Variants in FBXL17 observed in about 807,000 individuals in gnomAD.
FBXL17 encodes F-box and leucine rich repeat protein 17.
In FBXL17, 22 loss-of-function variants were observed where a neutral mutation model predicts 66.2. That is an observed-to-expected ratio of 0.33 (90% CI 0.24 to 0.47). The LOEUF (loss-of-function observed/expected upper bound fraction) is 0.47, where lower values mean the gene tolerates loss of function less well. Among genes scored for constraint, FBXL17 ranks in the 20% least tolerant of loss-of-function variants. The pLI, the probability that FBXL17 is intolerant of heterozygous loss-of-function variation, is 1.00. For missense variants in FBXL17, 878 were observed against 948.2 expected, an observed-to-expected ratio of 0.93 and a Z score of 0.97; for synonymous variants, 474 against 400.5, an observed-to-expected ratio of 1.18 and a Z score of -2.19.
At chr5:108,153,062 C>A (rs1751831817) in intron 6 of FBXL17, among the ~76,000 whole-genome samples, 1 of 152,156 alleles carries the variant, frequency 6.6e-6, no homozygotes, top group African/African-American at 2.4e-5. Context: ...CTCTCTCTCT[C>A]TTTCCTGCTG....
intron 5 of FBXL17, among the ~76,000 whole-genome samples, chr5:108,215,785 C>CA (rs1219968294): frequency 6.6e-6 from 1 of 152,088 alleles, no homozygotes; most frequent in Non-Finnish European, 1.5e-5. Flanking sequence ...AATTCAAGGT[C>CA]ATGAAGATTT....
At chr5:108,364,700 A>C (rs759074259) in intron 3 of FBXL17, 38 bp downstream of exon 3, 1 of 1,512,340 alleles carries the variant, frequency 6.6e-7, no homozygotes, top group Non-Finnish European at 9.0e-7. Flanking sequence ...ATTTTTAATT[A>C]ATTCAAGTAA....
chr5:108,310,944 C>G (rs186522677), intron 4 of FBXL17, among the ~76,000 whole-genome samples: 1 of 152,296 alleles, frequency 6.6e-6, no homozygotes, highest in African/African-American at 2.4e-5. Flanking sequence ...AGCATTCCCT[C>G]TGCCAAAATG....
chr5:107,880,750 T>C lies in FBXL17; in HGVS notation c.1965+287A>G, dbSNP rs1185231769. The stretch of plus-strand genomic sequence containing the variant: ...ATGTAATCTTTTACATTTTGGTCCA[T>C]GGACTTATGAATAGGATGCCAAACT... On this transcript the variant is annotated intron_variant, in intron 8 of 8. Transcript: ENST00000542267. 4 of 1,294,520 alleles carry C rather than the reference T, an allele frequency of 3.1e-6. No individual in the cohort carries two copies. The East Asian group carries it at 1.1e-4, about 37-fold the overall frequency. The allele number at this position is 1,294,520 out of a possible 1,614,324, so 80.2% of individuals were successfully genotyped here. A position where few individuals can be genotyped will look rare whatever the true frequency, so the allele number is the denominator to read the frequency against.
chr5:107,961,053 C>A (rs904121978), intron 7 of FBXL17, among the ~76,000 whole-genome samples: 1 of 151,974 alleles, frequency 6.6e-6, no homozygotes, highest in African/African-American at 2.4e-5. Flanking sequence ...AAAAGTGATA[C>A]GGAGAAGCAG....
At chr5:108,339,619 G>A (rs1209174986) in intron 4 of FBXL17, among the ~76,000 whole-genome samples, 2 of 150,256 alleles carry the variant, frequency 1.3e-5, no homozygotes, top group African/African-American at 4.9e-5. Context: ...TATGTATGTG[G>A]GGAAAAAAGC....
In FBXL17 at chr5:108,381,881, C is replaced by G; in HGVS notation, c.-190G>C. On this transcript the variant is annotated 5_prime_UTR_variant, in exon 1 of 9. Coordinates refer to ENST00000542267, the MANE Select transcript of FBXL17 (RefSeq NM_001163315.3). ...CGTCAGCTGCGGGCCGCCGGAGTGCCCGACGGGGGCTACATGCTTTGCCCA... is the reference window on the plus strand; with the variant it reads ...CGTCAGCTGCGGGCCGCCGGAGTGCGCGACGGGGGCTACATGCTTTGCCCA... 1 of 1,292,188 alleles carries G rather than the reference C, an allele frequency of 7.7e-7. No homozygotes were observed. The highest frequency in any genetic ancestry group is 2.3e-5 in the South Asian group (1 of 44,082). The allele number at this position is 1,292,188 out of a possible 1,614,324, so 80.0% of individuals were successfully genotyped here.
At chr5:107,880,639 C>T in intron 8 of FBXL17, 1 of 1,159,416 alleles carries the variant, frequency 8.6e-7, no homozygotes, top group Non-Finnish European at 1.1e-6. Context: ...ACCAATTTGG[C>T]ACTGTTCTTT....
At chr5:108,228,367 C>A (rs1755187109) in intron 4 of FBXL17, among the ~76,000 whole-genome samples, 1 of 152,112 alleles carries the variant, frequency 6.6e-6, no homozygotes, top group South Asian at 2.1e-4. Context: ...TACTGGGACC[C>A]TGGAGTCTCA....
At chr5:107,887,106 C>T (rs1309583774) in intron 7 of FBXL17, among the ~76,000 whole-genome samples, 1 of 152,074 alleles carries the variant, frequency 6.6e-6, no homozygotes, top group South Asian at 2.1e-4. Context: ...TTTTGATAAG[C>T]GTATTGTGGT....
At chr5:108,352,895 T>A (rs1321695728) in intron 3 of FBXL17, among the ~76,000 whole-genome samples, 4 of 152,056 alleles carry the variant, frequency 2.6e-5, no homozygotes, top group African/African-American at 7.2e-5. Context: ...AAGGGAGAAA[T>A]CCTGTGAAGT....
chr5:108,100,239 C>G (rs1749549035), intron 6 of FBXL17, among the ~76,000 whole-genome samples: 2 of 152,150 alleles, frequency 1.3e-5, no homozygotes, highest in African/African-American at 4.8e-5. Context: ...GTTTCTTTAA[C>G]AAGAAAACAT....
Position 108,144,644 on chromosome 5 carries a change from G to T in FBXL17, c.1745+41473C>A, listed in dbSNP as rs146723202. On this transcript the variant is annotated intron_variant, in intron 6 of 8. Coordinates refer to ENST00000542267, the MANE Select transcript of FBXL17 (RefSeq NM_001163315.3). ...CTGTACCTAGTAATTCTCTACTGTC[G>T]ATATTTTAAACTATTTCATAAACAT... Among the ~76,000 whole-genome samples, 411 of 152,134 alleles carry T rather than the reference G, an allele frequency of 2.7e-3. 2 individuals carry two copies. The highest frequency in any genetic ancestry group is 9.3e-3 in the African/African-American group (386 of 41,520).
At chr5:107,891,797 G>A (rs1749205532) in intron 7 of FBXL17, among the ~76,000 whole-genome samples, 1 of 152,082 alleles carries the variant, frequency 6.6e-6, no homozygotes, top group Non-Finnish European at 1.5e-5. Context: ...CTCCACTGAA[G>A]GGGCAAAGAC....
At chr5:108,311,056 GA>G (rs1489779734) in intron 4 of FBXL17, among the ~76,000 whole-genome samples, 1 of 152,166 alleles carries the variant, frequency 6.6e-6, no homozygotes, top group Non-Finnish European at 1.5e-5. Flanking sequence ...GGCTGAAGGA[GA>G]AAAGGGAATG....
chr5:108,066,024 A>G (rs1748104095), intron 6 of FBXL17, among the ~76,000 whole-genome samples: 1 of 152,160 alleles, frequency 6.6e-6, no homozygotes, highest in South Asian at 2.1e-4. Context: ...GGTTAGGTTT[A>G]TGGAAGGGAT....
intron 3 of FBXL17, among the ~76,000 whole-genome samples, chr5:108,358,804 T>C (rs1748159213): frequency 6.6e-6 from 1 of 152,150 alleles, no homozygotes; most frequent in Non-Finnish European, 1.5e-5. Context: ...ATCAAAGCTA[T>C]GGTCCTTAGT....
intron 6 of FBXL17, among the ~76,000 whole-genome samples, chr5:108,173,973 G>C (rs767587683): frequency 6.6e-6 from 1 of 152,106 alleles, no homozygotes; most frequent in South Asian, 2.1e-4. Context: ...TGTCAAATCT[G>C]GTTGTTAATT....
intron 7 of FBXL17, among the ~76,000 whole-genome samples, chr5:107,972,301 A>C (rs1221597212): frequency 6.6e-6 from 1 of 152,250 alleles, no homozygotes; most frequent in Admixed American, 6.5e-5. Flanking sequence ...AAATGGTGTA[A>C]ATGTATCTTT....
Sources: gnomAD v4.1 joint callset for allele counts (sites outside exome capture counted in the v4.1 genomes callset) on GRCh38, gnomAD v4.1.1 for gene constraint, MANE v1.5 for transcripts, NCBI Gene and HGNC (gene_info 2026-07-23, HGNC 2026-07-21) for gene names.